The following NKAIN3 variants were observed in gnomAD, a reference collection of about 807,000 sequenced individuals.
NKAIN3 encodes the protein sodium/potassium-transporting ATPase subunit beta-1-interacting protein 3.
In NKAIN3, 25 loss-of-function variants were observed where a neutral mutation model predicts 30.2. The ratio of observed to expected loss-of-function variants is 0.83; its 90% confidence interval spans 0.60 to 1.16. The LOEUF is 1.16. Among genes scored for constraint, NKAIN3 ranks in the 50% most tolerant of loss-of-function variants. The probability of loss-of-function intolerance (pLI) is 0.00; values close to 1 mark genes in which losing one functional copy is unlikely to be tolerated. For missense variants in NKAIN3, 225 were observed against 254.1 expected, an observed-to-expected ratio of 0.89 and a Z score of 0.78; for synonymous variants, 91 against 89.6, an observed-to-expected ratio of 1.02 and a Z score of -0.09.
chr8:62,514,831 T>G (rs1807932000), intron 1 of NKAIN3, among the ~76,000 whole-genome samples: 1 of 152,134 alleles, frequency 6.6e-6, no homozygotes, highest in Non-Finnish European at 1.5e-5. Flanking sequence ...TCCTGAATCG[T>G]CAACATTCAA....
At chr8:62,413,512 A>G (rs1804331026) in intron 1 of NKAIN3, among the ~76,000 whole-genome samples, 1 of 152,226 alleles carries the variant, frequency 6.6e-6, no homozygotes, top group African/African-American at 2.4e-5. Context: ...GAGGGTATTC[A>G]AAGTTCAATA....
intron 3 of NKAIN3, among the ~76,000 whole-genome samples, chr8:62,621,590 G>T (rs1811619731): frequency 6.6e-6 from 1 of 151,862 alleles, no homozygotes; most frequent in Non-Finnish European, 1.5e-5. Flanking sequence ...TGTCATAAAT[G>T]TTATTTGAAA....
At position 62,980,347 on chromosome 8, in the gene NKAIN3, A is replaced by G. The variant is rs1468855407; in HGVS notation, c.*14940A>G. 1 of 152,188 alleles carries G rather than the reference A, an allele frequency of 6.6e-6. No homozygotes were observed. Among genetic ancestry groups the G allele is most frequent in the Admixed American group, 6.5e-5 (1 of 15,276 alleles). The allele number at this position is 152,188 out of a possible 1,614,324, so 9.4% of individuals were successfully genotyped here. ...TTTCTCCTTCTGGTTTCTCAAATCTACTTTTAACTTCAAATAGCAGGCATG... is the reference window on the plus strand; with the variant it reads ...TTTCTCCTTCTGGTTTCTCAAATCTGCTTTTAACTTCAAATAGCAGGCATG... On this transcript the variant is annotated 3_prime_UTR_variant, in exon 7 of 7. Coordinates refer to ENST00000623646, the MANE Select transcript of NKAIN3 (RefSeq NM_001304533.3).
chr8:62,692,123 C>G (rs890068748), intron 3 of NKAIN3, among the ~76,000 whole-genome samples: 1 of 152,162 alleles, frequency 6.6e-6, no homozygotes, highest in Admixed American at 6.5e-5. Flanking sequence ...CTCAAGGCCA[C>G]TTGAAGCCTA....
chr8:62,506,396 A>G (rs561348917), intron 1 of NKAIN3, among the ~76,000 whole-genome samples: 3 of 151,876 alleles, frequency 2.0e-5, no homozygotes, highest in South Asian at 2.1e-4. Context: ...CTTAGAATGC[A>G]TGGGTACTTG....
intron 4 of NKAIN3, among the ~76,000 whole-genome samples, chr8:62,828,323 G>C (rs1192910391): frequency 6.6e-6 from 1 of 150,972 alleles, no homozygotes; most frequent in East Asian, 2.0e-4. Flanking sequence ...CTTGAGCCTA[G>C]TTGTAATATG....
Position 62,845,285 on chromosome 8 carries a change from T to TTATATA in NKAIN3, c.472-73145_472-73140dup, listed in dbSNP as rs10525699. Among the ~76,000 whole-genome samples the TTATATA allele has an allele frequency of 8.8e-3, 604 of 68,910 alleles. 29 individuals carry two copies. Among genetic ancestry groups the TTATATA allele is most frequent in the African/African-American group, 0.016 (333 of 20,528 alleles). The allele number at this position is 68,910 out of a possible 152,430, so 45.2% of individuals were successfully genotyped here. ...ATTCATTGACCTGCTGGATAGTAGA[T>TTATATA]TATATATATATATATATATATATAT... is the stretch of plus-strand genomic sequence containing the variant. On this transcript the variant is annotated intron_variant, in intron 4 of 6. Transcript: ENST00000623646.
intron 3 of NKAIN3, among the ~76,000 whole-genome samples, chr8:62,660,639 T>C (rs1812916960): frequency 6.6e-6 from 1 of 152,222 alleles, no homozygotes; most frequent in African/African-American, 2.4e-5. Flanking sequence ...TGATAGGTTG[T>C]TCTTGATTCA....
intron 1 of NKAIN3, among the ~76,000 whole-genome samples, chr8:62,444,343 T>G (rs1805419718): frequency 6.6e-6 from 1 of 152,138 alleles, no homozygotes; most frequent in Admixed American, 6.6e-5. Context: ...AGACCTTATT[T>G]CTTCTTCCTA....
At chr8:62,532,862 T>C (rs1808530345) in intron 1 of NKAIN3, among the ~76,000 whole-genome samples, 1 of 152,164 alleles carries the variant, frequency 6.6e-6, no homozygotes. Flanking sequence ...CCACTCCACA[T>C]CCCATGTTGT....
chr8:62,645,232 C>T (rs1436767879), intron 3 of NKAIN3, among the ~76,000 whole-genome samples: 1 of 152,126 alleles, frequency 6.6e-6, no homozygotes, highest in Non-Finnish European at 1.5e-5. Context: ...AAGGATAGTT[C>T]TGGGGCAAAG....
chr8:62,489,868 T>A (rs1807015844), intron 1 of NKAIN3, among the ~76,000 whole-genome samples: 1 of 152,172 alleles, frequency 6.6e-6, no homozygotes, highest in Admixed American at 6.5e-5. Flanking sequence ...CAAGACTAGG[T>A]CACGACACCA....
intron 1 of NKAIN3, among the ~76,000 whole-genome samples, chr8:62,345,380 TGTATATATAC>T (rs1462293630): frequency 2.2e-4 from 21 of 95,522 alleles, no homozygotes; most frequent in South Asian, 1.3e-3. Context: ...TACACATATA[TGTATATATAC>T]ACACATATAC....
chr8:62,857,501 T>A (rs955250319), intron 4 of NKAIN3, among the ~76,000 whole-genome samples: 1 of 152,194 alleles, frequency 6.6e-6, no homozygotes, highest in Non-Finnish European at 1.5e-5. Context: ...ATAGATTTGA[T>A]CTCTTTACAT....
chr8:62,813,017 G>GT (rs1321485928), intron 4 of NKAIN3, among the ~76,000 whole-genome samples: 2 of 151,854 alleles, frequency 1.3e-5, no homozygotes, highest in African/African-American at 4.8e-5. Context: ...TTTACTAAGT[G>GT]TTTTGTTTAT....
At chr8:62,870,607 A>G (rs1382516458) in intron 4 of NKAIN3, among the ~76,000 whole-genome samples, 1 of 119,538 alleles carries the variant, frequency 8.4e-6, no homozygotes, top group Non-Finnish European at 1.7e-5. Context: ...ACATATACAT[A>G]TACAATATAT....
chr8:62,697,119 C>G (rs1380387207), intron 3 of NKAIN3, among the ~76,000 whole-genome samples: 1 of 152,180 alleles, frequency 6.6e-6, no homozygotes, highest in Non-Finnish European at 1.5e-5. Context: ...AAACATAGGT[C>G]AGACCATTGC....
chr8:62,291,542 G>C (rs1813632135), intron 1 of NKAIN3, among the ~76,000 whole-genome samples: 1 of 152,188 alleles, frequency 6.6e-6, no homozygotes, highest in South Asian at 2.1e-4. Flanking sequence ...ATGTAGTTTA[G>C]ATGTTTTGAG....
intron 1 of NKAIN3, among the ~76,000 whole-genome samples, chr8:62,500,542 A>G (rs1224487753): frequency 6.6e-6 from 1 of 151,894 alleles, no homozygotes; most frequent in Non-Finnish European, 1.5e-5. Flanking sequence ...GGAGGGAGGG[A>G]GGACAATTAG....
Sources: gnomAD v4.1 joint callset for allele counts (sites outside exome capture counted in the v4.1 genomes callset) on GRCh38, gnomAD v4.1.1 for gene constraint, MANE v1.5 for transcripts, NCBI Gene and HGNC (gene_info 2026-07-23, HGNC 2026-07-21) for gene names.